LRMDA: variants seen among roughly 807,000 people sequenced by gnomAD.
LRMDA encodes leucine-rich melanocyte differentiation-associated protein.
In LRMDA, 18 loss-of-function variants were observed where a neutral mutation model predicts 29.8. That is an observed-to-expected ratio of 0.60 (90% CI 0.42 to 0.90). LRMDA has a LOEUF of 0.90. Ranked by LOEUF, LRMDA falls within the 40% of genes least tolerant of loss-of-function variation. The probability of loss-of-function intolerance (pLI) is 0.00; values close to 1 mark genes in which losing one functional copy is unlikely to be tolerated. For missense variants in LRMDA, 273 were observed against 273.9 expected, an observed-to-expected ratio of 1.00 and a Z score of 0.02; for synonymous variants, 125 against 109.4, an observed-to-expected ratio of 1.14 and a Z score of -0.89.
intron 4 of LRMDA, among the ~76,000 whole-genome samples, chr10:76,053,395 T>C (rs963643833): frequency 2.0e-5 from 3 of 152,308 alleles, no homozygotes; most frequent in Admixed American, 1.3e-4. Flanking sequence ...AACTAAGTAA[T>C]ACATCACAGT....
At chr10:76,537,383 C>T (rs186032157) in intron 6 of LRMDA, among the ~76,000 whole-genome samples, 1 of 152,346 alleles carries the variant, frequency 6.6e-6, no homozygotes, top group African/African-American at 2.4e-5. Context: ...TTCAAATTTG[C>T]AGAGCTATTG....
intron 2 of LRMDA, among the ~76,000 whole-genome samples, chr10:75,872,377 C>T (rs1845128826): frequency 6.6e-6 from 1 of 152,078 alleles, no homozygotes; most frequent in African/African-American, 2.4e-5. Flanking sequence ...GATCTTGGCT[C>T]ACTGCAACCT....
chr10:76,047,063 C>A, intron 3 of LRMDA, 101 bp from the exon 4 acceptor site: 1 of 1,295,410 alleles, frequency 7.7e-7, no homozygotes. Flanking sequence ...ACCCTGAGGT[C>A]TCACAGGAGC....
chr10:76,405,992 A>G (rs1335768782), intron 6 of LRMDA, among the ~76,000 whole-genome samples: 2 of 152,212 alleles, frequency 1.3e-5, no homozygotes, highest in Non-Finnish European at 2.9e-5. Context: ...CTGAAAATCC[A>G]AAAGTATTCT....
Position 76,331,028 on chromosome 10 carries a change from TG to T in LRMDA, c.601+6546del, listed in dbSNP as rs569557443. On this transcript the variant is annotated intron_variant, in intron 6 of 6. Transcript: ENST00000611255. ...GCTCACGCCTGTAATCCCAGCACTTTGGGAGGCTGATGCAGGTGGATCACTT... is the reference window on the plus strand; with the variant it reads ...GCTCACGCCTGTAATCCCAGCACTTTGGAGGCTGATGCAGGTGGATCACTT... Among the ~76,000 whole-genome samples, 227 of 152,282 alleles carry T rather than the reference TG, an allele frequency of 1.5e-3. 1 individual carries two copies. The highest frequency in any genetic ancestry group is 2.8e-3 in the Non-Finnish European group (188 of 68,020).
rs192735193 is a variant in LRMDA at position 75,843,959 on chromosome 10, T to C, written c.132-192049T>C. ...GAGGTATGAGATAGAGAGTCTTGAA[T>C]AGAAAGGAAGGCCCTTCTCGCTGGG... On this transcript the variant is annotated intron_variant, in intron 2 of 6. Coordinates refer to ENST00000611255, the MANE Select transcript of LRMDA (RefSeq NM_001305581.2). Among the ~76,000 whole-genome samples the C allele has an allele frequency of 5.3e-5, 8 of 152,078 alleles. 1 individual carries two copies. Among genetic ancestry groups the C allele is most frequent in the Admixed American group, 3.9e-4 (6 of 15,278 alleles).
At chr10:75,781,782 T>A (rs1306293441) in intron 2 of LRMDA, among the ~76,000 whole-genome samples, 1 of 152,228 alleles carries the variant, frequency 6.6e-6, no homozygotes, top group Admixed American at 6.5e-5. Flanking sequence ...TAACTAATTC[T>A]GCGAGGTCAA....
At chr10:75,449,151 C>CAAAAAAAAAAAAAAAAAAA (rs779723533) in intron 2 of LRMDA, among the ~76,000 whole-genome samples, 1 of 50,282 alleles carries the variant, frequency 2.0e-5, no homozygotes, top group Admixed American at 2.0e-4. Flanking sequence ...GACTCCATCT[C>CAAAAAAAAAAAAAAAAAAA]AAAAAAAAAA....
At chr10:76,474,479 C>T (rs1335815865) in intron 6 of LRMDA, among the ~76,000 whole-genome samples, 2 of 151,432 alleles carry the variant, frequency 1.3e-5, no homozygotes, top group African/African-American at 2.4e-5. Flanking sequence ...AGTCATATAT[C>T]TGATAAGGTA....
At chr10:75,983,056 T>C (rs1190841823) in intron 2 of LRMDA, among the ~76,000 whole-genome samples, 1 of 152,218 alleles carries the variant, frequency 6.6e-6, no homozygotes, top group Non-Finnish European at 1.5e-5. Context: ...CTCTGCATCC[T>C]GTGCATTCTC....
chr10:75,574,435 T>TA (rs1414940958), intron 2 of LRMDA, among the ~76,000 whole-genome samples: 1 of 152,216 alleles, frequency 6.6e-6, no homozygotes, highest in East Asian at 1.9e-4. Context: ...GGGTGAGTGA[T>TA]ATCCTAATTG....
chr10:76,537,547 C>T (rs748875402), intron 6 of LRMDA, among the ~76,000 whole-genome samples: 1 of 152,194 alleles, frequency 6.6e-6, no homozygotes, highest in Non-Finnish European at 1.5e-5. Context: ...CTTCTAAAGG[C>T]CATACATATT....
chr10:76,514,969 A>G (rs893570223), intron 6 of LRMDA, among the ~76,000 whole-genome samples: 1 of 152,150 alleles, frequency 6.6e-6, no homozygotes, highest in Admixed American at 6.5e-5. Flanking sequence ...TAATAAATGG[A>G]TGTGCATAAA....
chr10:75,824,456 G>A (rs1487511207), intron 2 of LRMDA, among the ~76,000 whole-genome samples: 1 of 152,084 alleles, frequency 6.6e-6, no homozygotes, highest in Non-Finnish European at 1.5e-5. Flanking sequence ...TATATAGCTC[G>A]CAAAACCTAG....
At chr10:75,552,210 G>A (rs1462759106) in intron 2 of LRMDA, among the ~76,000 whole-genome samples, 1 of 152,070 alleles carries the variant, frequency 6.6e-6, no homozygotes, top group Non-Finnish European at 1.5e-5. Context: ...TCATAGTATG[G>A]TATGTTGGCA....
At chr10:76,079,984 G>A (rs1443371603) in intron 5 of LRMDA, among the ~76,000 whole-genome samples, 1 of 151,936 alleles carries the variant, frequency 6.6e-6, no homozygotes, top group Admixed American at 6.6e-5. Flanking sequence ...TGTGATTTCT[G>A]GCCTCATTTC....
chr10:75,933,573 AG>A lies in LRMDA; in HGVS notation c.132-102432del, dbSNP rs145132666. On this transcript the variant is annotated intron_variant, in intron 2 of 6. Coordinates refer to ENST00000611255, the MANE Select transcript of LRMDA (RefSeq NM_001305581.2). Reference sequence around the variant, plus strand: ...AATGTATGTCCCTGCAAGATACTGTAGGGCCAGTAATGTTTGTAGCAGTAAT... The same window carrying A: ...AATGTATGTCCCTGCAAGATACTGTAGGCCAGTAATGTTTGTAGCAGTAAT... 6.4e-3 allele frequency among the ~76,000 whole-genome samples: 970 copies of A among 152,250 alleles called. 47 individuals are homozygous for A. In the East Asian group the frequency reaches 0.14, roughly 22 times the overall value.
In LRMDA at chr10:76,476,193, C is replaced by T. The variant is rs1236231706; in HGVS notation, c.602-81016C>T. Among the ~76,000 whole-genome samples the T allele has an allele frequency of 5.3e-5, 8 of 151,874 alleles. 1 individual carries two copies. In the South Asian group the frequency reaches 6.2e-4, roughly 12 times the overall value. On this transcript the variant is annotated intron_variant, in intron 6 of 6. Transcript: ENST00000611255. ...ATAAAAGAGAGAAGAATCAAATAGA[C>T]GCAATAAAAAATGACAAAGGGGATA...
chr10:75,862,178 TCACACACACACA>T (rs3042514), intron 2 of LRMDA, among the ~76,000 whole-genome samples: 2 of 147,582 alleles, frequency 1.4e-5, no homozygotes, highest in Admixed American at 6.8e-5. Context: ...AACCTTGGGT[TCACACACACACA>T]CACACACACA....
Sources: allele counts gnomAD v4.1 joint callset (sites outside exome capture counted in the v4.1 genomes callset), GRCh38; gene constraint gnomAD v4.1.1; transcripts MANE v1.5; gene names NCBI Gene and HGNC (gene_info 2026-07-23, HGNC 2026-07-21).